ANKS1B: variants seen among roughly 807,000 people sequenced by gnomAD.
ANKS1B encodes ankyrin repeat and sterile alpha motif domain-containing protein 1B.
A neutral mutation model predicts 148.3 loss-of-function variants in ANKS1B; 36 were observed. The ratio of observed to expected loss-of-function variants is 0.24; its 90% CI spans 0.19 to 0.32. The LOEUF (loss-of-function observed/expected upper bound fraction) is 0.32. Ranked by LOEUF, ANKS1B falls within the 10% of genes least tolerant of loss-of-function variation. The pLI, the probability that ANKS1B is intolerant of heterozygous loss-of-function variation, is 1.00. For missense variants in ANKS1B, 1,157 were observed against 1,542.6 expected (o/e 0.75, Z 4.19); for synonymous variants, 542 against 560.8 (o/e 0.97, Z 0.47).
intron 17 of ANKS1B, among the ~76,000 whole-genome samples, chr12:98,989,785 C>T (rs553118405): frequency 7.9e-5 from 12 of 151,906 alleles, no homozygotes; most frequent in East Asian, 5.8e-4. Flanking sequence ...TCAGGCTGCT[C>T]GGGAGGCTGA....
chr12:99,919,245 A>C, intron 1 of ANKS1B, among the ~76,000 whole-genome samples: 1 of 152,310 alleles, frequency 6.6e-6, no homozygotes, highest in East Asian at 1.9e-4. Flanking sequence ...CTTACCTGCT[A>C]TGTGGCCTAG....
At chr12:99,527,315 G>C (rs2096936651) in intron 9 of ANKS1B, among the ~76,000 whole-genome samples, 1 of 151,986 alleles carries the variant, frequency 6.6e-6, no homozygotes, top group Non-Finnish European at 1.5e-5. Context: ...TCAAAAAAGG[G>C]GATTATCTTT....
chr12:99,621,672 A>T (rs1302034112), intron 9 of ANKS1B, among the ~76,000 whole-genome samples: 1 of 152,068 alleles, frequency 6.6e-6, no homozygotes, highest in Non-Finnish European at 1.5e-5. Flanking sequence ...GGCATTACAT[A>T]GTGATAAAGG....
chr12:99,930,225 G>C (rs1339285598), intron 1 of ANKS1B, among the ~76,000 whole-genome samples: 3 of 151,804 alleles, frequency 2.0e-5, no homozygotes, highest in Non-Finnish European at 4.4e-5. Context: ...TCCCTTGTAA[G>C]TTGGATTCCT....
chr12:98,874,124 G>C (rs553613437), intron 17 of ANKS1B, among the ~76,000 whole-genome samples: 1 of 152,198 alleles, frequency 6.6e-6, no homozygotes, highest in South Asian at 2.1e-4. Context: ...GAATCAATAG[G>C]AAGCCAAATA....
At chr12:99,838,091 CAA>C (rs1308189386) in intron 1 of ANKS1B, among the ~76,000 whole-genome samples, 1 of 150,892 alleles carries the variant, frequency 6.6e-6, no homozygotes, top group Non-Finnish European at 1.5e-5. Flanking sequence ...TCCAAGTTGC[CAA>C]AGACATTATT....
intron 22 of ANKS1B, among the ~76,000 whole-genome samples, chr12:98,783,469 A>G (rs569832246): frequency 5.3e-5 from 8 of 152,364 alleles, no homozygotes; most frequent in Non-Finnish European, 1.2e-4. Flanking sequence ...TACAATGTTG[A>G]CAAATGTGAC....
intron 10 of ANKS1B, among the ~76,000 whole-genome samples, chr12:99,487,546 C>A (rs1265180660): frequency 6.6e-6 from 1 of 150,886 alleles, no homozygotes; most frequent in African/African-American, 2.4e-5. Context: ...TAAAGTTAGG[C>A]ATTGTTTACA....
At chr12:98,800,093 T>C (rs1329410504) in intron 21 of ANKS1B, among the ~76,000 whole-genome samples, 1 of 151,672 alleles carries the variant, frequency 6.6e-6, no homozygotes, top group Non-Finnish European at 1.5e-5. Context: ...CAGAAAGGCT[T>C]GGGGACTTGG....
At chr12:99,430,440 C>T (rs2095350055) in intron 11 of ANKS1B, among the ~76,000 whole-genome samples, 1 of 152,240 alleles carries the variant, frequency 6.6e-6, no homozygotes, top group Non-Finnish European at 1.5e-5. Context: ...ATTTTGATGT[C>T]TGGCAAGTAA....
chr12:99,030,439 T>C (rs988169712), intron 17 of ANKS1B, among the ~76,000 whole-genome samples: 1 of 151,660 alleles, frequency 6.6e-6, no homozygotes, highest in Non-Finnish European at 1.5e-5. Context: ...TTCTTCCAGC[T>C]TCCCCCCAAC....
chr12:99,009,733 C>T (rs1358421484), intron 17 of ANKS1B, among the ~76,000 whole-genome samples: 2 of 151,952 alleles, frequency 1.3e-5, no homozygotes, highest in Non-Finnish European at 1.5e-5. Flanking sequence ...TGCTGGAAAA[C>T]CTCCCATCAA....
chr12:99,375,818 A>C (rs2093366661), intron 12 of ANKS1B, among the ~76,000 whole-genome samples: 1 of 152,238 alleles, frequency 6.6e-6, no homozygotes, highest in Non-Finnish European at 1.5e-5. Flanking sequence ...GTACTAACAC[A>C]GACGAGATCA....
At chr12:99,358,582 G>T (rs2092224739) in intron 12 of ANKS1B, among the ~76,000 whole-genome samples, 1 of 151,852 alleles carries the variant, frequency 6.6e-6, no homozygotes, top group Non-Finnish European at 1.5e-5. Context: ...TGGATATCTA[G>T]ACCCTACTAG....
At chr12:98,911,042 G>C (rs984407540) in intron 17 of ANKS1B, among the ~76,000 whole-genome samples, 3 of 152,150 alleles carry the variant, frequency 2.0e-5, no homozygotes, top group Admixed American at 6.5e-5. Context: ...TTGAGGAAGA[G>C]CTACGGGATT....
At chr12:99,110,484 G>A (rs944438290) in intron 15 of ANKS1B, among the ~76,000 whole-genome samples, 3 of 152,132 alleles carry the variant, frequency 2.0e-5, no homozygotes, top group Non-Finnish European at 4.4e-5. Context: ...GCACTGATTG[G>A]AGAATTATAT....
At chr12:99,347,777 T>G (rs1188900621) in intron 12 of ANKS1B, among the ~76,000 whole-genome samples, 1 of 150,474 alleles carries the variant, frequency 6.6e-6, no homozygotes, top group Non-Finnish European at 1.5e-5. Flanking sequence ...AAATGCTCAG[T>G]TTTAAACAAA....
intron 12 of ANKS1B, among the ~76,000 whole-genome samples, chr12:99,263,446 C>T (rs2076130445): frequency 1.3e-5 from 2 of 152,072 alleles, no homozygotes; most frequent in African/African-American, 2.4e-5. Context: ...GTCTTACAAG[C>T]TTTATTTTAC....
rs531540779 is a variant in ANKS1B, at chr12:99,036,847, A to C, written c.2778+16310T>G. On this transcript the variant is annotated intron_variant, in intron 17 of 26. Coordinates refer to ENST00000683438, the MANE Select transcript of ANKS1B (RefSeq NM_001352186.2). ...ACATGCCAAGGAACTCAACAAAGGC[A>C]GGAGTAATTGACAAAGCCCTCTATA... is the stretch of plus-strand genomic sequence containing the variant. Among the ~76,000 whole-genome samples, 18 of 152,352 alleles carry C rather than the reference A, an allele frequency of 1.2e-4. No individual in the cohort carries two copies. The South Asian group carries it at 3.7e-3, about 32-fold the overall frequency.
Sources: gnomAD v4.1 joint callset for allele counts (sites outside exome capture counted in the v4.1 genomes callset) on GRCh38, gnomAD v4.1.1 for gene constraint, MANE v1.5 for transcripts, NCBI Gene and HGNC (gene_info 2026-07-23, HGNC 2026-07-21) for gene names.